Variants in EPHA5 observed in about 807,000 individuals in gnomAD.
The protein encoded by EPHA5 is EPH receptor A5, also known as ephrin type-A receptor 5.
A neutral mutation model predicts 105.0 loss-of-function variants in EPHA5; 60 were observed. That is an observed-to-expected ratio of 0.57 (90% confidence interval 0.46 to 0.71). EPHA5 has a LOEUF of 0.71. Among genes scored for constraint, EPHA5 ranks in the 30% least tolerant of loss-of-function variants. The pLI, the probability that EPHA5 is intolerant of heterozygous loss-of-function variation, is 0.00. For synonymous variants in EPHA5, 513 were observed against 449.1 expected (o/e 1.14, Z -1.80); for missense variants, 1,218 against 1,274.7 (o/e 0.96, Z 0.68).
At chr4:65,355,493 T>G (rs1407683982) in intron 11 of EPHA5, among the ~76,000 whole-genome samples, 2 of 151,572 alleles carry the variant, frequency 1.3e-5, no homozygotes, top group Non-Finnish European at 3.0e-5. Context: ...ATAGACACAG[T>G]TCTGCTTTGG....
chr4:65,414,457 T>C lies in EPHA5; in HGVS notation c.1528-14A>G, dbSNP rs762574809. On this transcript the variant is annotated splice_polypyrimidine_tract_variant and intron_variant, in intron 6 of 16. Transcript: ENST00000613740. ...GGTCTCTTGGTCCTTGGGATGCGCA[T>C]GCATATACAATAAAAAAGACAGCAT... 2.5e-6 allele frequency: 4 copies of C among 1,611,726 alleles called. No homozygotes were observed. The highest frequency in any genetic ancestry group is 2.5e-6 in the Non-Finnish European group (3 of 1,178,652).
chr4:65,368,199 T>C (rs1406493257), intron 8 of EPHA5, among the ~76,000 whole-genome samples: 3 of 152,080 alleles, frequency 2.0e-5, no homozygotes, highest in Non-Finnish European at 4.4e-5. Context: ...TTTTCATAGG[T>C]CCTCCACGTG....
chr4:65,584,821 T>TA (rs1345986845), intron 3 of EPHA5, among the ~76,000 whole-genome samples: 1 of 151,976 alleles, frequency 6.6e-6, no homozygotes, highest in Non-Finnish European at 1.5e-5. Flanking sequence ...AAAGTATTGT[T>TA]AAAAAATCTT....
At chr4:65,542,243 G>C (rs1736913327) in intron 3 of EPHA5, among the ~76,000 whole-genome samples, 1 of 151,696 alleles carries the variant, frequency 6.6e-6, no homozygotes, top group Non-Finnish European at 1.5e-5. Flanking sequence ...GATCAGAGTG[G>C]AACTGAAGAA....
intron 5 of EPHA5, among the ~76,000 whole-genome samples, chr4:65,478,746 G>GT: frequency 6.6e-6 from 1 of 152,220 alleles, no homozygotes. Context: ...TGCTAGGATT[G>GT]TAAGTGTGAG....
Position 65,322,679 on chromosome 4 carries a change from A to G in EPHA5, c.*1435T>C, listed in dbSNP as rs1252550899. ...TATATTCCTTAATAAGCCTAATTACATAATACCTTGGATTGGTTCAATAAA... is the reference window on the plus strand; with the variant it reads ...TATATTCCTTAATAAGCCTAATTACGTAATACCTTGGATTGGTTCAATAAA... On this transcript the variant is annotated 3_prime_UTR_variant, in exon 17 of 17. Transcript: ENST00000613740. 4.4e-6 allele frequency: 1 copy of G among 225,896 alleles called. No individual in the cohort carries two copies. Among genetic ancestry groups the G allele is most frequent in the Admixed American group, 5.7e-5 (1 of 17,460 alleles). The allele number at this position is 225,896 out of a possible 1,614,324, so 14.0% of individuals were successfully genotyped here.
chr4:65,661,322 A>G (rs948501472), intron 1 of EPHA5, among the ~76,000 whole-genome samples: 2 of 152,040 alleles, frequency 1.3e-5, no homozygotes, highest in African/African-American at 4.8e-5. Flanking sequence ...TTCTTTCCCT[A>G]CTTTGTTTCA....
intron 3 of EPHA5, among the ~76,000 whole-genome samples, chr4:65,587,549 A>G (rs1742236175): frequency 1.3e-5 from 2 of 152,002 alleles, no homozygotes; most frequent in Non-Finnish European, 2.9e-5. Flanking sequence ...CTCTCCCTCA[A>G]CTACATGTAT....
intron 1 of EPHA5, among the ~76,000 whole-genome samples, chr4:65,655,468 G>A (rs930005845): frequency 6.6e-6 from 1 of 151,994 alleles, no homozygotes; most frequent in African/African-American, 2.4e-5. Context: ...CTATGCCTTG[G>A]CTCAATGAGG....
intron 1 of EPHA5, among the ~76,000 whole-genome samples, chr4:65,644,218 A>C (rs950956209): frequency 2.0e-5 from 3 of 150,848 alleles, no homozygotes; most frequent in Non-Finnish European, 3.0e-5. Flanking sequence ...ACACACACAC[A>C]CCCCCATGCA....
At chr4:65,536,180 G>A (rs1446586164) in intron 3 of EPHA5, among the ~76,000 whole-genome samples, 1 of 151,802 alleles carries the variant, frequency 6.6e-6, no homozygotes, top group Non-Finnish European at 1.5e-5. Flanking sequence ...TTGAATGGGT[G>A]GATCTATCGC....
At chr4:65,666,611 C>A (rs1749986967) in intron 1 of EPHA5, among the ~76,000 whole-genome samples, 1 of 152,116 alleles carries the variant, frequency 6.6e-6, no homozygotes, top group Admixed American at 6.5e-5. Context: ...CCTCTGAAAT[C>A]TTTTATAATA....
chr4:65,484,501 G>T (rs531975483), intron 5 of EPHA5, among the ~76,000 whole-genome samples: 5 of 152,132 alleles, frequency 3.3e-5, no homozygotes, highest in African/African-American at 7.2e-5. Context: ...AAGGTAAGGT[G>T]CAAGTTTGCT....
At chr4:65,392,669 T>C (rs1720837223) in intron 8 of EPHA5, among the ~76,000 whole-genome samples, 1 of 152,180 alleles carries the variant, frequency 6.6e-6, no homozygotes, top group African/African-American at 2.4e-5. Flanking sequence ...GCATTTACTT[T>C]GTGATGGGAT....
At chr4:65,575,932 G>A (rs373273563) in intron 3 of EPHA5, among the ~76,000 whole-genome samples, 359 of 149,498 alleles carry the variant, frequency 2.4e-3, no homozygotes, top group African/African-American at 8.5e-3. Context: ...AGCCAGGACC[G>A]TGCCACTGCA....
At chr4:65,415,000 G>A (rs1723255902) in intron 6 of EPHA5, among the ~76,000 whole-genome samples, 1 of 152,178 alleles carries the variant, frequency 6.6e-6, no homozygotes, top group African/African-American at 2.4e-5. Context: ...AAAGAAAAAT[G>A]CAGATAAGCA....
chr4:65,559,677 C>T (rs1349819607), intron 3 of EPHA5, among the ~76,000 whole-genome samples: 2 of 152,006 alleles, frequency 1.3e-5, no homozygotes, highest in Non-Finnish European at 2.9e-5. Flanking sequence ...TGTGAAAATC[C>T]CTATGGGTCT....
At chr4:65,354,949 G>A (rs4860653) in intron 11 of EPHA5, among the ~76,000 whole-genome samples, 80,027 of 151,614 alleles carry the variant, frequency 0.53, 21,926 homozygotes, top group Non-Finnish European at 0.61. Context: ...ACATTTCCTC[G>A]TCCTCTAAAG....
chr4:65,663,208 A>G (rs1749692259), intron 1 of EPHA5, among the ~76,000 whole-genome samples: 1 of 152,132 alleles, frequency 6.6e-6, no homozygotes, highest in African/African-American at 2.4e-5. Context: ...AAACATAGAC[A>G]CTTTTTTAAA....
Sources: gnomAD v4.1 joint callset for allele counts (sites outside exome capture counted in the v4.1 genomes callset) on GRCh38, gnomAD v4.1.1 for gene constraint, MANE v1.5 for transcripts, NCBI Gene and HGNC (gene_info 2026-07-23, HGNC 2026-07-21) for gene names.